The following PLTP variants were observed in gnomAD, a reference collection of about 807,000 sequenced individuals.
The protein encoded by PLTP is BPI fold containing family E.
PLTP carries 43 observed loss-of-function variants against 54.1 expected under a neutral mutation model. The observed-to-expected ratio is 0.79, with a 90% CI of 0.62 to 1.02. The LOEUF (loss-of-function observed/expected upper bound fraction) is 1.02, where lower values mean the gene tolerates loss of function less well. Among genes scored for constraint, PLTP ranks in the 50% least tolerant of loss-of-function variants. The pLI is 0.00. For synonymous variants in PLTP, 263 were observed against 264.6 expected (o/e 0.99, Z 0.06); for missense variants, 604 against 645.9 (o/e 0.94, Z 0.70).
chr20:45,911,894 C>T, intron 1 of PLTP, 185 bp downstream of exon 1: 2 of 244,614 alleles, frequency 8.2e-6, no homozygotes, highest in South Asian at 4.6e-5. Context: ...AGGAGGTGGC[C>T]GACCAGACCG....
intron 8 of PLTP, 78 bp downstream of exon 8, chr20:45,906,190 A>T: frequency 1.1e-6 from 1 of 946,962 alleles, no homozygotes; most frequent in Non-Finnish European, 1.7e-6. Flanking sequence ...GTGCTTTAAG[A>T]AGTAAAATCT....
At position 45,899,610 on chromosome 20, in the gene PLTP, C is replaced by G; in HGVS notation, c.1282+12G>C. Reference sequence around the variant, plus strand: ...CCTCCTTTCTTCCTCCATCCTCACACCCCAGCCTTACCATTGAGCATGGGC... The same window carrying G: ...CCTCCTTTCTTCCTCCATCCTCACAGCCCAGCCTTACCATTGAGCATGGGC... On this transcript the variant is annotated intron_variant, in intron 14 of 15. Coordinates refer to ENST00000372431, the MANE Select transcript of PLTP (RefSeq NM_006227.4). The G allele has an allele frequency of 6.2e-7, 1 of 1,614,116 alleles. No individual in the cohort carries two copies. Among genetic ancestry groups the G allele is most frequent in the African/African-American group, 1.3e-5 (1 of 75,036 alleles).
rs2083238227 is a variant in PLTP, at chr20:45,906,323, T to C, written c.650A>G (p.Tyr217Cys). 1.9e-6 allele frequency: 3 copies of C among 1,613,116 alleles called. No individual in the cohort carries two copies. The highest frequency in any genetic ancestry group is 1.7e-6 in the Non-Finnish European group (2 of 1,179,410). The part of the protein sequence containing the change: ...SSVDELVGID[Y>C]SLMKDPVAST... ...AGCCACAGGATCCTTCATGAGGGAA[T>C]AGTCAATGCCAACAAGCTCGTCCAC... The change falls in exon 8 of 16, where the codon TAT (tyrosine) becomes TGT (cysteine). Residue 217 changes from tyrosine (Y) to cysteine (C), a missense_variant. By Grantham distance (194) the Tyr-to-Cys change is radical (BLOSUM62 -2). Transcript: ENST00000372431.
In PLTP at chr20:45,898,929, G is replaced by A. The variant is rs2083144585; in HGVS notation, c.*12C>T. Reference sequence around the variant, plus strand: ...GTCCTGAATGACAGCTGCCAGCTTGGGGATTGAGGGCTCAGACAGCTGCTG... The same window carrying A: ...GTCCTGAATGACAGCTGCCAGCTTGAGGATTGAGGGCTCAGACAGCTGCTG... On this transcript the variant is annotated 3_prime_UTR_variant, in exon 16 of 16. Coordinates refer to ENST00000372431, the MANE Select transcript of PLTP (RefSeq NM_006227.4). The surrounding 1 kb of genome is among the most constrained non-coding windows in gnomAD (Gnocchi z 4.6). 1.9e-6 allele frequency: 3 copies of A among 1,612,940 alleles called. No individual in the cohort carries two copies. The highest frequency in any genetic ancestry group is 1.7e-5 in the Admixed American group (1 of 59,950).
rs1163332097 is a variant in PLTP at position 45,909,402 on chromosome 20, G to A, written c.485+114C>T. The A allele has an allele frequency of 6.2e-6, 7 of 1,128,034 alleles. No individual in the cohort carries two copies. In the African/African-American group the frequency reaches 7.9e-5, roughly 13 times the overall value. The allele number at this position is 1,128,034 out of a possible 1,614,324, so 69.9% of individuals were successfully genotyped here. The stretch of plus-strand genomic sequence containing the variant: ...GTTCACACAGCCAGGAAGTGACAGA[G>A]CTGAGCTTTGGACCCAGTTGGTCTG... On this transcript the variant is annotated intron_variant, in intron 5 of 15. Coordinates refer to ENST00000372431, the MANE Select transcript of PLTP (RefSeq NM_006227.4).
chr20:45,904,736 C>T (rs1382094837), intron 10 of PLTP, 64 bp downstream of exon 10: 16 of 1,554,048 alleles, frequency 1.0e-5, no homozygotes, highest in African/African-American at 1.4e-5. Flanking sequence ...GGGGCCCCAC[C>T]TGCACCCCTC....
chr20:45,911,069 C>A (rs1465429995), intron 3 of PLTP, 83 bp downstream of exon 3: 3 of 1,611,208 alleles, frequency 1.9e-6, no homozygotes, highest in Non-Finnish European at 2.5e-6. Context: ...AGCCTCCAGT[C>A]TCCCGAGACC....
chr20:45,911,629 C>T lies in PLTP; in HGVS notation c.-11-166G>A, dbSNP rs1482513253. The T allele has an allele frequency of 1.3e-5, 12 of 900,978 alleles. No homozygotes were observed. The East Asian group carries it at 1.9e-4, about 14-fold the overall frequency. 55.8% of individuals were successfully genotyped at this position (900,978 alleles called of 1,614,324 possible). On this transcript the variant is annotated intron_variant, in intron 1 of 15. Coordinates refer to ENST00000372431, the MANE Select transcript of PLTP (RefSeq NM_006227.4). The stretch of plus-strand genomic sequence containing the variant: ...CATATGGCAGATGTGGAAACTGAGG[C>T]TCAGAGAGGCGATGCGACTTGCGTT...
chr20:45,907,348 A>G (rs2083250070), intron 7 of PLTP, among the ~76,000 whole-genome samples: 1 of 149,444 alleles, frequency 6.7e-6, no homozygotes, highest in Admixed American at 6.7e-5. Flanking sequence ...AAAAAAAAAA[A>G]GAAAGAAAAA....
intron 12 of PLTP, 97 bp from the exon 13 acceptor site, chr20:45,899,975 C>A (rs932482107): frequency 9.8e-7 from 1 of 1,023,082 alleles, no homozygotes; most frequent in Non-Finnish European, 1.5e-6. Flanking sequence ...GAGTTGCAGG[C>A]TCAGATGCCC....
At position 45,899,696 on chromosome 20, in the gene PLTP, C is replaced by T. The variant is rs758199674; in HGVS notation, c.1219-11G>A. The T allele has an allele frequency of 1.7e-5, 28 of 1,613,946 alleles. No homozygotes were observed. The Admixed American group carries it at 3.5e-4, about 20-fold the overall frequency. ...CTGTAATGGGATCAGCTGGGAGGGGCGAGGGCGGAAACAGGGCAGTGAGTC... is the reference window on the plus strand; with the variant it reads ...CTGTAATGGGATCAGCTGGGAGGGGTGAGGGCGGAAACAGGGCAGTGAGTC... On this transcript the variant is annotated splice_polypyrimidine_tract_variant and intron_variant, in intron 13 of 15. Transcript: ENST00000372431.
chr20:45,900,859 T>C (rs1170463091), intron 12 of PLTP, among the ~76,000 whole-genome samples: 2 of 152,196 alleles, frequency 1.3e-5, no homozygotes, highest in Non-Finnish European at 2.9e-5. Flanking sequence ...ATTAGTAAAC[T>C]GTTTTAAAAT....
rs117234725 is a variant in PLTP at position 45,901,997 on chromosome 20, G to A, written c.1175+270C>T. ...TGCTGAGGTTTTTGTCAAAACCCATGTTCTGATCTTTGCTGTGTGACTGTG... is the reference window on the plus strand; with the variant it reads ...TGCTGAGGTTTTTGTCAAAACCCATATTCTGATCTTTGCTGTGTGACTGTG... On this transcript the variant is annotated intron_variant, in intron 12 of 15. Transcript: ENST00000372431. Among the ~76,000 whole-genome samples, 562 of 152,194 alleles carry A rather than the reference G, an allele frequency of 3.7e-3. 18 individuals carry two copies. The South Asian group carries it at 0.065, about 18-fold the overall frequency.
chr20:45,907,239 A>C (rs1210028806), intron 7 of PLTP, among the ~76,000 whole-genome samples: 1 of 151,264 alleles, frequency 6.6e-6, no homozygotes, highest in Non-Finnish European at 1.5e-5. Flanking sequence ...AGGCAGGAGA[A>C]TTGCTTGAAC....
chr20:45,909,492 G>A lies in PLTP; in HGVS notation c.485+24C>T. The stretch of plus-strand genomic sequence containing the variant: ...GAGCTGTGGGGCTCGAAAAGGGTGA[G>A]CTGGGGTTGGGGCTGGGGCTTACTT... On this transcript the variant is annotated intron_variant, in intron 5 of 15. Transcript: ENST00000372431. 1.2e-6 allele frequency: 2 copies of A among 1,613,654 alleles called. 1 individual carries two copies. Among genetic ancestry groups the A allele is most frequent in the South Asian group, 2.2e-5 (2 of 91,078 alleles).
rs756226158 is a variant in PLTP, at chr20:45,907,738, G to A, written c.567C>T (p.Tyr189=). 1.2e-6 allele frequency: 2 copies of A among 1,613,822 alleles called. No homozygotes were observed. The highest frequency in any genetic ancestry group is 1.7e-6 in the Non-Finnish European group (2 of 1,179,970). ...LLNQQICPVL[Y]HAGTVLLNSL... ...AGTTGAGCAGGACCGTCCCTGCGTG[G>A]TAGAGGACAGGGCAGATCTGCGAGG... Residue 189 remains tyrosine, a synonymous_variant, in exon 7 of 16, where the codon TAC becomes TAT. Coordinates refer to ENST00000372431, the MANE Select transcript of PLTP (RefSeq NM_006227.4).
chr20:45,904,424 C>G (rs2083217773), intron 10 of PLTP, among the ~76,000 whole-genome samples: 1 of 152,064 alleles, frequency 6.6e-6, no homozygotes, highest in Non-Finnish European at 1.5e-5. Flanking sequence ...GATTGTGCCA[C>G]TGCATTCCAA....
intron 3 of PLTP, 121 bp downstream of exon 3, chr20:45,911,031 A>G: frequency 6.2e-7 from 1 of 1,602,772 alleles, no homozygotes; most frequent in Non-Finnish European, 8.5e-7. Context: ...GTCTTGCCTC[A>G]TCGATTTGGC....
chr20:45,911,118 C>T, intron 3 of PLTP, 34 bp downstream of exon 3: 1 of 1,610,218 alleles, frequency 6.2e-7, no homozygotes, highest in Non-Finnish European at 8.5e-7. Context: ...GCCGAGGCCC[C>T]GCCCCGGATC....
Sources: allele counts gnomAD v4.1 joint callset (sites outside exome capture counted in the v4.1 genomes callset), GRCh38; gene constraint gnomAD v4.1.1; non-coding constraint Gnocchi (gnomAD v3.1); transcripts MANE v1.5; gene names NCBI Gene and HGNC (gene_info 2026-07-23, HGNC 2026-07-21).